The following NRG1 variants were observed in gnomAD, a reference collection of about 807,000 sequenced individuals.
NRG1 encodes pro-neuregulin-1, membrane-bound isoform.
NRG1 carries 18 observed loss-of-function variants against 63.8 expected under a neutral mutation model. That is an observed-to-expected ratio of 0.28 (90% CI 0.19 to 0.42). The LOEUF is 0.42. NRG1 is among the 10% of genes least tolerant of loss of function. The pLI is 1.00. For synonymous variants in NRG1, 302 were observed against 301.3 expected (o/e 1.00, Z -0.02); for missense variants, 762 against 814.7 (o/e 0.94, Z 0.79).
At chr8:32,171,632 C>T (rs1480064159) in intron 1 of NRG1, among the ~76,000 whole-genome samples, 3 of 152,140 alleles carry the variant, frequency 2.0e-5, no homozygotes, top group Non-Finnish European at 2.9e-5. Flanking sequence ...CCTGGAAAAT[C>T]GGGTCACTCC....
intron 5 of NRG1, among the ~76,000 whole-genome samples, chr8:32,700,804 T>C (rs1297596826): frequency 6.6e-6 from 1 of 152,176 alleles, no homozygotes; most frequent in Non-Finnish European, 1.5e-5. Context: ...AAGTGCCAGA[T>C]TAATGCATAT....
intron 1 of NRG1, among the ~76,000 whole-genome samples, chr8:32,362,086 G>C (rs1042249697): frequency 1.3e-5 from 2 of 152,158 alleles, no homozygotes; most frequent in African/African-American, 2.4e-5. Context: ...GCCTAGTTTA[G>C]ATGGAATCAT....
chr8:32,365,288 A>T (rs116403813), intron 1 of NRG1, among the ~76,000 whole-genome samples: 2,308 of 152,220 alleles, frequency 0.015, 58 homozygotes, highest in African/African-American at 0.053. Context: ...TTTTTAGATT[A>T]GAAAAACTAG....
intron 1 of NRG1, among the ~76,000 whole-genome samples, chr8:31,737,836 T>C (rs1017202896): frequency 6.6e-6 from 1 of 152,084 alleles, no homozygotes; most frequent in Non-Finnish European, 1.5e-5. Flanking sequence ...TTGGAAAACA[T>C]TGCTCGCTGG....
rs1438033960 is a variant in NRG1, at chr8:31,640,415, C to A, written c.37+984C>A. ...GCCAACGGGACCGTGCCCTCTTGGC[C>A]CACCGCCCCGGTGCCCAGCGCCGGC... On this transcript the variant is annotated intron_variant, in intron 1 of 10. Transcript: ENST00000519301. The surrounding 1 kb of genome is among the most constrained non-coding windows in gnomAD (Gnocchi z 6.3). The A allele has an allele frequency of 2.7e-6, 4 of 1,489,614 alleles. No homozygotes were observed. The South Asian group carries it at 3.9e-5, about 14-fold the overall frequency. 92.3% of individuals were successfully genotyped at this position (1,489,614 alleles called of 1,614,324 possible). A position where few individuals can be genotyped will look rare whatever the true frequency, so the allele number is the denominator to read the frequency against.
At chr8:32,241,807 A>G (rs557255358) in intron 1 of NRG1, among the ~76,000 whole-genome samples, 10 of 150,354 alleles carry the variant, frequency 6.7e-5, no homozygotes, top group African/African-American at 2.0e-4. Context: ...GGCTGGAGTG[A>G]GTGTGCAGTG....
At chr8:32,580,849 G>C in intron 1 of NRG1, among the ~76,000 whole-genome samples, 1 of 102,922 alleles carries the variant, frequency 9.7e-6, no homozygotes, top group South Asian at 3.7e-4. Flanking sequence ...AAATGACATA[G>C]TACCCATTGA....
intron 1 of NRG1, among the ~76,000 whole-genome samples, chr8:32,424,947 G>T (rs141044922): frequency 2.3e-3 from 348 of 152,226 alleles, no homozygotes; most frequent in African/African-American, 7.7e-3. Flanking sequence ...TTGAGTCTTT[G>T]TTTCCTCATC....
At chr8:32,260,573 AT>A in intron 1 of NRG1, among the ~76,000 whole-genome samples, 1 of 152,254 alleles carries the variant, frequency 6.6e-6, no homozygotes, top group Middle Eastern at 3.4e-3. Context: ...TCTTAAGTTA[AT>A]TTGCATTGGC....
chr8:31,787,951 C>A (rs1304643902), intron 1 of NRG1, among the ~76,000 whole-genome samples: 1 of 152,118 alleles, frequency 6.6e-6, no homozygotes, highest in African/African-American at 2.4e-5. Flanking sequence ...TATTTTAACT[C>A]ATTTAATCTT....
chr8:32,407,152 A>G (rs1208450637), intron 1 of NRG1, among the ~76,000 whole-genome samples: 1 of 151,376 alleles, frequency 6.6e-6, no homozygotes, highest in Non-Finnish European at 1.5e-5. Flanking sequence ...CAGAGGTAAT[A>G]TATGGGAAAA....
At chr8:32,404,064 A>G (rs1235790017) in intron 1 of NRG1, among the ~76,000 whole-genome samples, 2 of 152,206 alleles carry the variant, frequency 1.3e-5, no homozygotes, top group Admixed American at 1.3e-4. Flanking sequence ...GTGATAGCAG[A>G]TTTTGGACCA....
chr8:32,166,993 G>A (rs970562010), intron 1 of NRG1, among the ~76,000 whole-genome samples: 3 of 152,154 alleles, frequency 2.0e-5, no homozygotes, highest in African/African-American at 7.2e-5. Context: ...TTATCTTCTA[G>A]TTAGGTCCAT....
exon 12 of NRG1, chr8:32,764,501 C>T (rs917434646): frequency 6.2e-6 from 7 of 1,123,332 alleles, no homozygotes; most frequent in Non-Finnish European, 8.2e-6. Flanking sequence ...AGCAGTTCTG[C>T]AAATAGAAAA....
At chr8:32,646,768 A>T (rs996801292) in intron 5 of NRG1, 2 of 985,170 alleles carry the variant, frequency 2.0e-6, no homozygotes, top group Non-Finnish European at 2.4e-6. Flanking sequence ...CTTTGATTTG[A>T]TGGCCTTTAT....
Position 32,144,339 on chromosome 8 carries a change from G to A in NRG1, c.38-451489G>A, listed in dbSNP as rs560283292. 6.6e-5 allele frequency among the ~76,000 whole-genome samples: 10 copies of A among 152,320 alleles called. No homozygotes were observed. In the South Asian group the frequency reaches 2.1e-3, roughly 32 times the overall value. ...ACAAATGGTGATTGCTGGTAGTGAA[G>A]TATCTGAATCTGAAGACCAGCTGTA... On this transcript the variant is annotated intron_variant, in intron 1 of 10. Coordinates refer to the NRG1 transcript ENST00000519301.
At chr8:32,196,609 G>A (rs1842974367) in intron 1 of NRG1, among the ~76,000 whole-genome samples, 1 of 151,790 alleles carries the variant, frequency 6.6e-6, no homozygotes, top group African/African-American at 2.4e-5. Flanking sequence ...GAAGGAGGCA[G>A]TTTTTATTAA....
chr8:32,505,488 C>T (rs1828402246), intron 1 of NRG1, among the ~76,000 whole-genome samples: 1 of 152,116 alleles, frequency 6.6e-6, no homozygotes, highest in Admixed American at 6.5e-5. Flanking sequence ...GACACAAAAC[C>T]AGTAAGACTT....
intron 1 of NRG1, among the ~76,000 whole-genome samples, chr8:32,555,132 TGTC>T (rs1834875669): frequency 2.0e-5 from 3 of 152,202 alleles, no homozygotes; most frequent in Admixed American, 6.5e-5. Flanking sequence ...AGGGGACATC[TGTC>T]AGATTAATTC....
Sources: gnomAD v4.1 joint callset for allele counts (sites outside exome capture counted in the v4.1 genomes callset) on GRCh38, gnomAD v4.1.1 for gene constraint, Gnocchi (gnomAD v3.1) non-coding constraint, MANE v1.5 for transcripts, NCBI Gene and HGNC (gene_info 2026-07-23, HGNC 2026-07-21) for gene names.